FCHSD1: variants seen among roughly 807,000 people sequenced by gnomAD.
The protein encoded by FCHSD1 is FCH and double SH3 domains 1, also known as F-BAR and double SH3 domains protein 1.
FCHSD1 carries 109 observed loss-of-function variants against 101.3 expected under a neutral mutation model. The observed-to-expected ratio is 1.08, with a 90% CI of 0.92 to 1.26. FCHSD1 has a LOEUF of 1.26. Ranked by LOEUF, FCHSD1 falls within the 50% of genes most tolerant of loss-of-function variation. The probability of loss-of-function intolerance (pLI) is 0.00; values close to 1 mark genes in which losing one functional copy is unlikely to be tolerated. For missense variants in FCHSD1, 820 were observed against 895.8 expected (o/e 0.92, Z 1.08); for synonymous variants, 291 against 356.8 (o/e 0.82, Z 2.08).
chr5:141,648,772 C>T (rs1215436198), intron 7 of FCHSD1, among the ~76,000 whole-genome samples, 185 bp downstream of exon 7: 1 of 152,150 alleles, frequency 6.6e-6, no homozygotes, highest in Non-Finnish European at 1.5e-5. Flanking sequence ...GAAGGGTATT[C>T]TCTCCATTTT....
In FCHSD1 at chr5:141,647,414, T is replaced by C. The variant is rs762843830; in HGVS notation, c.812A>G (p.Glu271Gly). 3 of 1,599,544 alleles carry C rather than the reference T, an allele frequency of 1.9e-6. No individual in the cohort carries two copies. The highest frequency in any genetic ancestry group is 1.1e-5 in the South Asian group (1 of 89,696). ...AGCCCTCACCTGGGAGGTTGTCTGC[T>C]CCCCGCGGTGGGCATGCTCCAGGAT... ...EVILEHAHRG[E>G]QTTSQVSWEQ... The change falls in exon 9 of 20, where the codon GAG becomes GGG. Residue 271 changes from glutamate (E) to glycine (G), a missense_variant. Glu to Gly is a moderately conservative substitution (Grantham distance 98). Coordinates refer to ENST00000435817, the MANE Select transcript of FCHSD1 (RefSeq NM_033449.3).
chr5:141,646,333 T>A (rs1352975312), intron 11 of FCHSD1, 142 bp from the exon 12 acceptor site: 5 of 967,670 alleles, frequency 5.2e-6, no homozygotes, highest in Non-Finnish European at 7.9e-6. Context: ...TTGGCCCTAC[T>A]TTAGTGATGA....
Position 141,647,218 on chromosome 5 carries a change from G to T in FCHSD1, c.841C>A (p.Gln281Lys), listed in dbSNP as rs186315539. The change falls in exon 10 of 20, where the codon CAA becomes AAA. Residue 281 changes from glutamine (Q) to lysine (K), a missense_variant. Physicochemically the swap from Gln to Lys is moderately conservative, Grantham distance 53 (BLOSUM62 1). Coordinates refer to ENST00000435817, the MANE Select transcript of FCHSD1 (RefSeq NM_033449.3). ...TCCTGAAGAAACAGCTTCAGGTCTT[G>T]CTCCCAGCTTACCTAGGGGTTGGGA... is the stretch of plus-strand genomic sequence containing the variant. Reference protein sequence around the residue: ...EQTTSQVSWEQDLKLFLQEPG... With the variant: ...EQTTSQVSWEKDLKLFLQEPG... 1.6e-5 allele frequency: 25 copies of T among 1,605,978 alleles called. No homozygotes were observed. The African/African-American group carries it at 1.9e-4, about 12-fold the overall frequency.
Position 141,649,564 on chromosome 5 carries a change from G to C in FCHSD1, c.234-28C>G, listed in dbSNP as rs542672967. The C allele has an allele frequency of 2.5e-6, 4 of 1,602,548 alleles. No individual in the cohort carries two copies. The highest frequency in any genetic ancestry group is 1.3e-5 in the African/African-American group (1 of 74,794). ...CCCCAGAGAAGGTCTGTGTTGAGGA[G>C]GAGAGCACTCCACAGCTTCATGAGA... On this transcript the variant is annotated intron_variant, in intron 4 of 19. Transcript: ENST00000435817. The surrounding 1 kb of genome is among the most constrained non-coding windows in gnomAD (Gnocchi z 4.1).
Position 141,644,557 on chromosome 5 carries a change from A to C in FCHSD1, c.1642+16T>G. The stretch of plus-strand genomic sequence containing the variant: ...CCATACCCAGGGTCCTCTAACCCAA[A>C]ATTTCCCTTTCTTACCTGTGGGCTC... On this transcript the variant is annotated intron_variant, in intron 16 of 19. Coordinates refer to ENST00000435817, the MANE Select transcript of FCHSD1 (RefSeq NM_033449.3). The C allele has an allele frequency of 6.2e-7, 1 of 1,612,908 alleles. No individual in the cohort carries two copies. Among genetic ancestry groups the C allele is most frequent in the Non-Finnish European group, 8.5e-7 (1 of 1,179,118 alleles).
At position 141,647,989 on chromosome 5, in the gene FCHSD1, C is replaced by T. The variant is rs1206877753; in HGVS notation, c.684G>A (p.Glu228=). The change falls in exon 8 of 20, where the codon GAG becomes GAA. Residue 228 remains glutamate, a synonymous_variant. Coordinates refer to ENST00000435817, the MANE Select transcript of FCHSD1 (RefSeq NM_033449.3). ...TNAHLDHYYQ[E]ELPALLKALV... is the part of the protein sequence containing the mutation. Reference sequence around the variant, plus strand: ...TGGCCTTGAGCAGAGCTGGCAGTTCCTCCTGGTAGTAATGGTCGAGGTGGG... The same window carrying T: ...TGGCCTTGAGCAGAGCTGGCAGTTCTTCCTGGTAGTAATGGTCGAGGTGGG... The T allele has an allele frequency of 6.2e-7, 1 of 1,613,218 alleles. No homozygotes were observed. Among genetic ancestry groups the T allele is most frequent in the African/African-American group, 1.3e-5 (1 of 74,918 alleles).
Position 141,649,837 on chromosome 5 carries a change from C to T in FCHSD1, c.233+50G>A, listed in dbSNP as rs55691717. On this transcript the variant is annotated intron_variant, in intron 4 of 19. Transcript: ENST00000435817. The surrounding 1 kb of genome is among the most constrained non-coding windows in gnomAD (Gnocchi z 4.1). ...ATCCCCACAGGTTCCTGGGGCTGAGCTCCCCATCACTTTTTGGCCTCTGTG... is the reference window on the plus strand; with the variant it reads ...ATCCCCACAGGTTCCTGGGGCTGAGTTCCCCATCACTTTTTGGCCTCTGTG... 8.6e-3 allele frequency: 13,099 copies of T among 1,526,492 alleles called. 94 individuals carry two copies. Among genetic ancestry groups the T allele is most frequent in the Middle Eastern group, 0.013 (74 of 5,890 alleles). The allele number at this position is 1,526,492 out of a possible 1,614,324, so 94.6% of individuals were successfully genotyped here.
Position 141,644,698 on chromosome 5 carries a change from C to A in FCHSD1, c.1525-8G>T. 6.2e-7 allele frequency: 1 copy of A among 1,613,738 alleles called. No individual in the cohort carries two copies. Among genetic ancestry groups the A allele is most frequent in the Non-Finnish European group, 8.5e-7 (1 of 1,179,684 alleles). ...GCCGTGCTGGTTCCGAGCCTGCTCA[C>A]CCAGCAATGTGAACAGATATTAGAC... On this transcript the variant is annotated splice_polypyrimidine_tract_variant and splice_region_variant and intron_variant, in intron 15 of 19. Coordinates refer to ENST00000435817, the MANE Select transcript of FCHSD1 (RefSeq NM_033449.3).
In FCHSD1 at chr5:141,649,559, G is replaced by A; in HGVS notation, c.234-23C>T. ...CCCCTCCCCAGAGAAGGTCTGTGTT[G>A]AGGAGGAGAGCACTCCACAGCTTCA... On this transcript the variant is annotated intron_variant, in intron 4 of 19. Transcript: ENST00000435817. The surrounding 1 kb of genome is among the most constrained non-coding windows in gnomAD (Gnocchi z 4.1). 6.2e-7 allele frequency: 1 copy of A among 1,604,492 alleles called. No individual in the cohort carries two copies. The highest frequency in any genetic ancestry group is 8.5e-7 in the Non-Finnish European group (1 of 1,176,556).
Position 141,639,588 on chromosome 5 carries a change from C to CAACTATCTTTCCTCCTGGACTGGGA in FCHSD1, c.*1909_*1910insTCCCAGTCCAGGAGGAAAGATAGTT. 6.2e-7 allele frequency: 1 copy of CAACTATCTTTCCTCCTGGACTGGGA among 1,613,988 alleles called. No homozygotes were observed. The highest frequency in any genetic ancestry group is 1.1e-5 in the South Asian group (1 of 91,072). On this transcript the variant is annotated 3_prime_UTR_variant, in exon 20 of 20. Transcript: ENST00000435817. This position sits in a 1 kb window ranked among gnomAD's most constrained non-coding sequence, Gnocchi z 4.4. ...GAGGCCTCCACTTGTCCGTCAGGGA[C>CAACTATCTTTCCTCCTGGACTGGGA]GCTCCAAGGAAGGAAAAAGCCGCCC...
intron 17 of FCHSD1, 88 bp downstream of exon 17, chr5:141,644,130 G>A: frequency 1.6e-6 from 2 of 1,237,678 alleles, no homozygotes; most frequent in Non-Finnish European, 2.2e-6. Context: ...GGGAGCAGAG[G>A]AGGCATTAAG....
chr5:141,648,660 G>T (rs1050940182), intron 7 of FCHSD1, among the ~76,000 whole-genome samples: 2 of 152,120 alleles, frequency 1.3e-5, no homozygotes, highest in African/African-American at 4.8e-5. Context: ...GACTGTGAGG[G>T]CAGGAACTCC....
chr5:141,646,614 G>A lies in FCHSD1; in HGVS notation c.1033C>T (p.His345Tyr), dbSNP rs2099907698. Residue 345 changes from histidine (H) to tyrosine (Y), a missense_variant, in exon 11 of 20, where the codon CAT becomes TAT. Transcript: ENST00000435817. ...RAARDYKIQN[H>Y]GHRVLQRLEQ... ...CCCCCCCACCTCACCCGATGCCCAT[G>A]GTTCTGGATCTTGTAGTCACGGGCA... 6.2e-7 allele frequency: 1 copy of A among 1,612,692 alleles called. No homozygotes were observed. The highest frequency in any genetic ancestry group is 1.7e-5 in the Admixed American group (1 of 59,852).
chr5:141,640,395 C>G lies in FCHSD1; in HGVS notation c.*1103G>C. 6.2e-7 allele frequency: 1 copy of G among 1,614,186 alleles called. No individual in the cohort carries two copies. The highest frequency in any genetic ancestry group is 8.5e-7 in the Non-Finnish European group (1 of 1,180,012). ...TACTCCTGGTCTCTCATTGTTGACC[C>G]CTCCCCTTTCTCTCAGGTGTCTCTA... On this transcript the variant is annotated 3_prime_UTR_variant, in exon 20 of 20. Transcript: ENST00000435817.
chr5:141,646,527 G>A (rs11167754), intron 11 of FCHSD1, 76 bp downstream of exon 11: 234,408 of 1,522,068 alleles, frequency 0.15, 19,569 homozygotes, highest in Admixed American at 0.33. Flanking sequence ...ACCCTCAATG[G>A]CTCCAAGATC....
rs748921476 is a variant in FCHSD1 at position 141,646,092 on chromosome 5, C to T, written c.1144G>A (p.Ala382Thr). 11 of 1,609,152 alleles carry T rather than the reference C, an allele frequency of 6.8e-6. No homozygotes were observed. Among genetic ancestry groups the T allele is most frequent in the Non-Finnish European group, 9.3e-6 (11 of 1,178,022 alleles). ...LQEVRESIRR[A>T]QVSQVKGAAR... ...ACCTCAGGGGTGTGCCTCACCTGTG[C>T]CCGGCGGATGCTCTCTCGCACTTCC... Residue 382 changes from alanine (A) to threonine (T), a missense_variant, in exon 12 of 20, where the codon GCA becomes ACA. Coordinates refer to ENST00000435817, the MANE Select transcript of FCHSD1 (RefSeq NM_033449.3).
At position 141,642,911 on chromosome 5, in the gene FCHSD1, C is replaced by A. The variant is rs554348821; in HGVS notation, c.1951+90G>T. 1.1e-4 allele frequency: 148 copies of A among 1,321,766 alleles called. No homozygotes were observed. In the African/African-American group the frequency reaches 2.1e-3, roughly 18 times the overall value. The allele number at this position is 1,321,766 out of a possible 1,614,324, so 81.9% of individuals were successfully genotyped here. On this transcript the variant is annotated intron_variant, in intron 18 of 19. Coordinates refer to ENST00000435817, the MANE Select transcript of FCHSD1 (RefSeq NM_033449.3). ...CCACCAAGCAAGATGCCTGAAGGCA[C>A]GGAGAGGACCAGAGCGTGACCTGGG...
Position 141,644,728 on chromosome 5 carries a change from C to G in FCHSD1, c.1525-38G>C, listed in dbSNP as rs374165937. On this transcript the variant is annotated intron_variant, in intron 15 of 19. Coordinates refer to ENST00000435817, the MANE Select transcript of FCHSD1 (RefSeq NM_033449.3). ...CAATGTGAACAGATATTAGACTTAC[C>G]TCAGCAGTCCATGACCCTGGCTCTC... 74 of 1,611,852 alleles carry G rather than the reference C, an allele frequency of 4.6e-5. No individual in the cohort carries two copies. The Middle Eastern group carries it at 4.9e-4, about 11-fold the overall frequency.
chr5:141,651,318 C>G (rs749461250), intron 1 of FCHSD1, 30 bp downstream of exon 1: 2 of 1,552,812 alleles, frequency 1.3e-6, no homozygotes, highest in African/African-American at 2.7e-5. Context: ...CCCCAGCCCG[C>G]CAGGAGTCCC....
Sources: allele counts gnomAD v4.1 joint callset (sites outside exome capture counted in the v4.1 genomes callset), GRCh38; gene constraint gnomAD v4.1.1; non-coding constraint Gnocchi (gnomAD v3.1); transcripts MANE v1.5; gene names NCBI Gene and HGNC (gene_info 2026-07-23, HGNC 2026-07-21).